Variants in DOCK8 observed in about 807,000 individuals in gnomAD.
DOCK8 encodes the protein dedicator of cytokinesis protein 8.
Under a neutral mutation model 245.6 loss-of-function variants are expected in DOCK8, and 141 were observed. That is an observed-to-expected ratio of 0.57 (90% CI 0.50 to 0.66). DOCK8 has a LOEUF of 0.66. DOCK8 is among the 30% of genes least tolerant of loss of function. DOCK8 has a pLI of 0.00. For missense variants in DOCK8, 2,965 were observed against 2,603.4 expected, an observed-to-expected ratio of 1.14 and a Z score of -3.02; for synonymous variants, 1,168 against 970.2, an observed-to-expected ratio of 1.20 and a Z score of -3.79.
Position 286,562 on chromosome 9 carries a change from C to G in DOCK8, c.258C>G (p.Phe86Leu), listed in dbSNP as rs1454954894. Reference protein sequence around the residue: ...DVQLAQELGDFTDDDLDVVFT... With the variant: ...DVQLAQELGDLTDDDLDVVFT... ...AGCTTGCCCAGGAGCTCGGGGACTT[C>G]ACTGATGACGACTTGGACGTGGTGT... The change falls in exon 3 of 48, where the codon TTC (phenylalanine) becomes TTG (leucine). Residue 86 changes from phenylalanine to leucine, a missense_variant. Transcript: ENST00000432829. 1.2e-6 allele frequency: 2 copies of G among 1,613,984 alleles called. No individual in the cohort carries two copies.
chr9:323,911 C>T (rs2050636935), intron 7 of DOCK8, among the ~76,000 whole-genome samples: 1 of 152,122 alleles, frequency 6.6e-6, no homozygotes, highest in South Asian at 2.1e-4. Context: ...ATATATGTAT[C>T]TGTTCATGGA....
chr9:250,708 T>A (rs928519403), intron 1 of DOCK8, among the ~76,000 whole-genome samples: 1 of 152,062 alleles, frequency 6.6e-6, no homozygotes, highest in African/African-American at 2.4e-5. Context: ...AATAGTAGAG[T>A]TGATAGTATG....
chr9:299,187 A>G (rs904944082), intron 4 of DOCK8, among the ~76,000 whole-genome samples: 2 of 151,944 alleles, frequency 1.3e-5, no homozygotes, highest in African/African-American at 2.4e-5. Flanking sequence ...TTTTTCTTTG[A>G]GCCCTTAGGG....
At chr9:354,572 C>T (rs1418671023) in intron 14 of DOCK8, among the ~76,000 whole-genome samples, 2 of 152,176 alleles carry the variant, frequency 1.3e-5, no homozygotes, top group African/African-American at 4.8e-5. Flanking sequence ...CCTGCTTGGT[C>T]TGAGCTTTCG....
At chr9:440,785 C>A (rs1157866485) in intron 40 of DOCK8, among the ~76,000 whole-genome samples, 1 of 152,194 alleles carries the variant, frequency 6.6e-6, no homozygotes, top group Non-Finnish European at 1.5e-5. Flanking sequence ...GTCACCCAGG[C>A]TGGAGTGCAG....
chr9:300,154 A>G (rs765583429), intron 4 of DOCK8, among the ~76,000 whole-genome samples: 2 of 152,248 alleles, frequency 1.3e-5, no homozygotes, highest in African/African-American at 2.4e-5. Context: ...TCAGAACACA[A>G]TAAAATCCAG....
chr9:403,890 CTCTATATATATATATATATATATATACA>C (rs1298087558), intron 26 of DOCK8, among the ~76,000 whole-genome samples: 7 of 80,194 alleles, frequency 8.7e-5, no homozygotes, highest in African/African-American at 4.9e-4. Flanking sequence ...CTCTCTCTCT[CTCTATATATATATATATATATATATACA>C]TATATATATA....
intron 1 of DOCK8, among the ~76,000 whole-genome samples, chr9:238,497 A>G (rs1385174502): frequency 1.3e-5 from 2 of 152,226 alleles, no homozygotes; most frequent in Non-Finnish European, 2.9e-5. Flanking sequence ...AGATGGAGAA[A>G]TGTTAAAACA....
At chr9:227,517 G>T (rs1304619924) in intron 1 of DOCK8, among the ~76,000 whole-genome samples, 1 of 152,150 alleles carries the variant, frequency 6.6e-6, no homozygotes, top group Non-Finnish European at 1.5e-5. Context: ...CCTGCATCCT[G>T]GAGTAAAGAT....
chr9:294,308 G>T (rs1245556308), intron 4 of DOCK8, among the ~76,000 whole-genome samples: 1 of 152,220 alleles, frequency 6.6e-6, no homozygotes, highest in African/African-American at 2.4e-5. Context: ...GGGTAGAAAT[G>T]AAGCCAGTGT....
chr9:214,971 C>T lies in DOCK8; in HGVS notation c.-6C>T, dbSNP rs1374402138. On this transcript the variant is annotated 5_prime_UTR_variant, in exon 1 of 48. Coordinates refer to ENST00000432829, the MANE Select transcript of DOCK8 (RefSeq NM_203447.4). ...ACCCTAGAAGCCACCGAACCGCCGG[C>T]GGGCCATGGCCACTCTGCCGAGCGC... The T allele has an allele frequency of 3.1e-6, 5 of 1,601,376 alleles. No individual in the cohort carries two copies. The South Asian group carries it at 4.5e-5, about 14-fold the overall frequency.
At chr9:271,460 A>G (rs1207266295) in intron 1 of DOCK8, among the ~76,000 whole-genome samples, 167 bp from the exon 2 acceptor site, 5 of 152,178 alleles carry the variant, frequency 3.3e-5, no homozygotes, top group Non-Finnish European at 7.4e-5. Context: ...TTATCTGACA[A>G]AAACTACGAT....
intron 2 of DOCK8, among the ~76,000 whole-genome samples, chr9:273,832 G>C (rs557793118): frequency 6.6e-6 from 1 of 150,946 alleles, no homozygotes; most frequent in Non-Finnish European, 1.5e-5. Flanking sequence ...TCAGCCTCCC[G>C]AGTAGCTGGG....
intron 7 of DOCK8, among the ~76,000 whole-genome samples, chr9:317,554 G>A (rs907951629): frequency 6.6e-6 from 1 of 152,176 alleles, no homozygotes; most frequent in Non-Finnish European, 1.5e-5. Context: ...GTAGAAATCA[G>A]CCAATGCTAC....
At chr9:427,004 C>G in intron 34 of DOCK8, 23 bp downstream of exon 34, 2 of 1,590,388 alleles carry the variant, frequency 1.3e-6, no homozygotes, top group South Asian at 1.1e-5. Context: ...AACACCCAAT[C>G]TGATTTGTTG....
chr9:300,574 A>C (rs1228887334), intron 4 of DOCK8, among the ~76,000 whole-genome samples: 1 of 152,186 alleles, frequency 6.6e-6, no homozygotes, highest in Non-Finnish European at 1.5e-5. Flanking sequence ...CAAAAAAAAA[A>C]CAAGGTTGAT....
intron 9 of DOCK8, 114 bp downstream of exon 9, chr9:328,285 C>T: frequency 7.5e-7 from 1 of 1,330,826 alleles, no homozygotes; most frequent in South Asian, 1.3e-5. Context: ...CTCTGAGATT[C>T]ACTTTGTTTC....
Position 443,473 on chromosome 9 carries a change from A to C in DOCK8, c.5537A>C (p.Lys1846Thr). 1 of 1,614,110 alleles carries C rather than the reference A, an allele frequency of 6.2e-7. No homozygotes were observed. Among genetic ancestry groups the C allele is most frequent in the Non-Finnish European group, 8.5e-7 (1 of 1,179,992 alleles). Residue 1846 changes from lysine to threonine, a missense_variant, in exon 43 of 48, where the codon AAA (lysine) becomes ACA (threonine). Transcript: ENST00000432829. The part of the protein sequence containing the change: ...CFGAEFVEVI[K>T]DSTPVDKTKL... ...GGTGCAGAATTTGTGGAAGTGATTA[A>C]AGACTCCACTCCTGTGGACAAAACC...
intron 33 of DOCK8, among the ~76,000 whole-genome samples, chr9:422,828 T>C (rs766131380): frequency 1.9e-4 from 29 of 151,858 alleles, no homozygotes; most frequent in Non-Finnish European, 2.5e-4. Flanking sequence ...CTACAAAAAA[T>C]AGAAAAATTA....
Sources: allele counts gnomAD v4.1 joint callset (sites outside exome capture counted in the v4.1 genomes callset), GRCh38; gene constraint gnomAD v4.1.1; transcripts MANE v1.5; gene names NCBI Gene and HGNC (gene_info 2026-07-23, HGNC 2026-07-21).